The following KAT2B variants were observed in gnomAD, a reference collection of about 807,000 sequenced individuals.
KAT2B encodes the protein lysine acetyltransferase 2B.
KAT2B carries 36 observed loss-of-function variants against 105.9 expected under a neutral mutation model. That is an observed-to-expected ratio of 0.34 (90% CI 0.26 to 0.45). The LOEUF is 0.45. Ranked by LOEUF, KAT2B falls within the 20% of genes least tolerant of loss-of-function variation. The probability of loss-of-function intolerance (pLI) is 1.00; values close to 1 mark genes in which losing one functional copy is unlikely to be tolerated. For synonymous variants in KAT2B, 397 were observed against 377.9 expected (o/e 1.05, Z -0.59); for missense variants, 820 against 1,021.6 (o/e 0.80, Z 2.69).
intron 5 of KAT2B, among the ~76,000 whole-genome samples, chr3:20,108,503 CAGT>C (rs1699062159): frequency 6.6e-6 from 1 of 152,182 alleles, no homozygotes; most frequent in South Asian, 2.1e-4. Context: ...CATATAATGA[CAGT>C]AGTCCTTTAA....
chr3:20,116,955 G>A (rs1174243530), intron 7 of KAT2B, among the ~76,000 whole-genome samples: 1 of 152,172 alleles, frequency 6.6e-6, no homozygotes, highest in East Asian at 1.9e-4. Context: ...CTTGGTGTGT[G>A]CTGCCAATAT....
intron 4 of KAT2B, among the ~76,000 whole-genome samples, chr3:20,100,397 A>G (rs1229592467): frequency 6.6e-6 from 1 of 152,228 alleles, no homozygotes; most frequent in Admixed American, 6.5e-5. Flanking sequence ...TTTTGTACCC[A>G]GAAATGGACT....
intron 7 of KAT2B, among the ~76,000 whole-genome samples, chr3:20,118,074 T>C (rs920309088): frequency 2.6e-5 from 4 of 151,002 alleles, no homozygotes; most frequent in African/African-American, 9.7e-5. Context: ...CCTTTCTCTA[T>C]CCCTTCTTTT....
chr3:20,045,414 G>A (rs1697793037), intron 1 of KAT2B, among the ~76,000 whole-genome samples: 1 of 151,596 alleles, frequency 6.6e-6, no homozygotes, highest in African/African-American at 2.4e-5. Context: ...ACACTGGCAC[G>A]ATCATAGCTC....
chr3:20,144,276 CTTTTTTTTTTTTTTT>C (rs761735374), intron 13 of KAT2B, among the ~76,000 whole-genome samples: 126 of 89,384 alleles, frequency 1.4e-3, no homozygotes, highest in Middle Eastern at 0.016. Flanking sequence ...CCTTGGGATT[CTTTTTTTTTTTTTTT>C]TTTTTTTTTT....
At chr3:20,144,312 A>G (rs6805673) in intron 13 of KAT2B, among the ~76,000 whole-genome samples, 57,450 of 124,464 alleles carry the variant, frequency 0.46, 15,613 homozygotes, top group East Asian at 0.94. Context: ...TTTTTGAGAC[A>G]GCGTCTCACT....
At chr3:20,110,790 G>A (rs1169996979) in intron 5 of KAT2B, among the ~76,000 whole-genome samples, 2 of 151,714 alleles carry the variant, frequency 1.3e-5, no homozygotes, top group Non-Finnish European at 2.9e-5. Context: ...GACCTGTATT[G>A]TCAGTGTACC....
At chr3:20,129,080 C>T (rs927817756) in intron 11 of KAT2B, among the ~76,000 whole-genome samples, 9 of 150,982 alleles carry the variant, frequency 6.0e-5, no homozygotes, top group Non-Finnish European at 8.8e-5. Flanking sequence ...TTAGCAGCTC[C>T]GGATGATTAA....
At chr3:20,147,689 C>A (rs557308247) in intron 14 of KAT2B, among the ~76,000 whole-genome samples, 1 of 152,322 alleles carries the variant, frequency 6.6e-6, no homozygotes, top group South Asian at 2.1e-4. Context: ...CACAGGCCCA[C>A]AGTACTGTAC....
chr3:20,101,551 G>T, intron 5 of KAT2B, 83 bp downstream of exon 5: 2 of 1,058,690 alleles, frequency 1.9e-6, no homozygotes, highest in Non-Finnish European at 2.8e-6. Flanking sequence ...TAAGTATAGG[G>T]CTGCCTAGTT....
At chr3:20,041,005 C>G (rs930914852) in intron 1 of KAT2B, among the ~76,000 whole-genome samples, 2 of 152,168 alleles carry the variant, frequency 1.3e-5, no homozygotes, top group African/African-American at 4.8e-5. Flanking sequence ...ACGGAGAGCC[C>G]TTCATTCCTT....
At chr3:20,118,973 T>C (rs907746509) in intron 7 of KAT2B, among the ~76,000 whole-genome samples, 3 of 152,028 alleles carry the variant, frequency 2.0e-5, no homozygotes, top group African/African-American at 7.2e-5. Flanking sequence ...TGCTGTCTTC[T>C]GTTTTTGCCT....
intron 2 of KAT2B, among the ~76,000 whole-genome samples, chr3:20,073,751 A>G (rs1698368923): frequency 6.6e-6 from 1 of 152,238 alleles, no homozygotes; most frequent in Admixed American, 6.5e-5. Flanking sequence ...AAACAAAACA[A>G]TCACTAACTC....
chr3:20,131,217 C>T (rs530609772), intron 11 of KAT2B, among the ~76,000 whole-genome samples: 36 of 151,946 alleles, frequency 2.4e-4, no homozygotes, highest in African/African-American at 8.0e-4. Flanking sequence ...TGTTTCATCA[C>T]GTTGGCCAGG....
chr3:20,121,732 ATGTGTGTGTGTGTGTGTGTG>A lies in KAT2B; in HGVS notation c.1277-904_1277-885del, dbSNP rs3840188. On this transcript the variant is annotated intron_variant, in intron 8 of 17. Coordinates refer to ENST00000263754, the MANE Select transcript of KAT2B (RefSeq NM_003884.5). ...TATATGCATACATACACATATGCAT[ATGTGTGTGTGTGTGTGTGTG>A]TGTGTGTGTGTGTGTGTGTGTGTGT... Among the ~76,000 whole-genome samples, 70 of 109,852 alleles carry A rather than the reference ATGTGTGTGTGTGTGTGTGTG, an allele frequency of 6.4e-4. 1 individual carries two copies. Among genetic ancestry groups the A allele is most frequent in the Admixed American group, 1.8e-3 (21 of 11,656 alleles). The allele number at this position is 109,852 out of a possible 152,430, so 72.1% of individuals were successfully genotyped here. A position where few individuals can be genotyped will look rare whatever the true frequency, so the allele number is the denominator to read the frequency against.
At chr3:20,129,087 T>C (rs1165529280) in intron 11 of KAT2B, among the ~76,000 whole-genome samples, 2 of 151,260 alleles carry the variant, frequency 1.3e-5, no homozygotes, top group Non-Finnish European at 2.9e-5. Flanking sequence ...CTCCGGATGA[T>C]TAAGATGGCT....
At chr3:20,059,432 A>G (rs1189050938) in intron 1 of KAT2B, among the ~76,000 whole-genome samples, 6 of 148,740 alleles carry the variant, frequency 4.0e-5, no homozygotes, top group Middle Eastern at 3.5e-3. Context: ...AAAAAAAAAA[A>G]AAAGGCCAGG....
At chr3:20,091,185 T>G (rs939102390) in intron 2 of KAT2B, among the ~76,000 whole-genome samples, 13 of 152,178 alleles carry the variant, frequency 8.5e-5, no homozygotes, top group Non-Finnish European at 1.6e-4. Context: ...TCTCCTTACT[T>G]GTTATTAGTT....
rs188034989 is a variant in KAT2B at position 20,054,085 on chromosome 3, A to G, written c.303+13305A>G. 2.0e-5 allele frequency among the ~76,000 whole-genome samples: 3 copies of G among 151,274 alleles called. No individual in the cohort carries two copies. The East Asian group carries it at 5.9e-4, about 30-fold the overall frequency. On this transcript the variant is annotated intron_variant, in intron 1 of 17. Coordinates refer to ENST00000263754, the MANE Select transcript of KAT2B (RefSeq NM_003884.5). Reference sequence around the variant, plus strand: ...AGTGCTGGGATTACAGGCATGAGCCATTGTGTCCGGCTTTAGACTTATTTT... The same window carrying G: ...AGTGCTGGGATTACAGGCATGAGCCGTTGTGTCCGGCTTTAGACTTATTTT...
Sources: allele counts gnomAD v4.1 joint callset (sites outside exome capture counted in the v4.1 genomes callset), GRCh38; gene constraint gnomAD v4.1.1; transcripts MANE v1.5; gene names NCBI Gene and HGNC (gene_info 2026-07-23, HGNC 2026-07-21).